SLC8A1: variants seen among roughly 807,000 people sequenced by gnomAD.
SLC8A1 encodes sodium/calcium exchanger 1.
In SLC8A1, 18 loss-of-function variants were observed where a neutral mutation model predicts 68.3. The ratio of observed to expected loss-of-function variants is 0.26; its 90% CI spans 0.18 to 0.39. SLC8A1 has a LOEUF of 0.39. Among genes scored for constraint, SLC8A1 ranks in the 10% least tolerant of loss-of-function variants. The pLI is 1.00. For synonymous variants in SLC8A1, 475 were observed against 415.5 expected, an observed-to-expected ratio of 1.14 and a Z score of -1.74; for missense variants, 985 against 1,156.7, an observed-to-expected ratio of 0.85 and a Z score of 2.15.
chr2:40,149,619 G>T (rs2043057153), intron 6 of SLC8A1, among the ~76,000 whole-genome samples: 1 of 152,170 alleles, frequency 6.6e-6, no homozygotes, highest in African/African-American at 2.4e-5. Flanking sequence ...GTGACAAGAT[G>T]GAAAGAGGAT....
chr2:40,343,438 T>G (rs1668319927), intron 2 of SLC8A1, among the ~76,000 whole-genome samples: 1 of 152,160 alleles, frequency 6.6e-6, no homozygotes, highest in South Asian at 2.1e-4. Context: ...CATCCTATTA[T>G]CACTTGGCTA....
chr2:40,486,189 G>T (rs1053670233), intron 1 of SLC8A1, among the ~76,000 whole-genome samples: 6 of 152,072 alleles, frequency 3.9e-5, no homozygotes, highest in African/African-American at 1.4e-4. Flanking sequence ...CTTCCCTTTT[G>T]CCTTCTGCCA....
chr2:40,322,821 AACACAC>A (rs5830620), intron 2 of SLC8A1, among the ~76,000 whole-genome samples: 2,084 of 147,620 alleles, frequency 0.014, 45 homozygotes, highest in African/African-American at 0.047. Context: ...TTTATTGGGT[AACACAC>A]ACACACACAC....
At chr2:40,302,174 G>T (rs1392147577) in intron 2 of SLC8A1, among the ~76,000 whole-genome samples, 2 of 151,602 alleles carry the variant, frequency 1.3e-5, no homozygotes, top group Non-Finnish European at 2.9e-5. Context: ...TGGGATTACA[G>T]GTGTGAGCCA....
At chr2:40,177,908 G>T in intron 2 of SLC8A1, 1 of 1,165,768 alleles carries the variant, frequency 8.6e-7, no homozygotes, top group Non-Finnish European at 1.3e-6. Flanking sequence ...ACACGCTCAT[G>T]CTCTTGGTGT....
chr2:40,164,332 C>T (rs1353101681), intron 5 of SLC8A1, among the ~76,000 whole-genome samples: 4 of 152,268 alleles, frequency 2.6e-5, no homozygotes, highest in South Asian at 2.1e-4. Context: ...ACTCTGCATT[C>T]GGTATATTGA....
At chr2:40,265,224 A>G (rs2065213272) in intron 2 of SLC8A1, among the ~76,000 whole-genome samples, 1 of 152,190 alleles carries the variant, frequency 6.6e-6, no homozygotes, top group Non-Finnish European at 1.5e-5. Context: ...ATTTTAGGTC[A>G]CTGCAATGTT....
At chr2:40,433,213 C>T (rs550036650) in intron 1 of SLC8A1, among the ~76,000 whole-genome samples, 1 of 152,220 alleles carries the variant, frequency 6.6e-6, no homozygotes, top group Non-Finnish European at 1.5e-5. Context: ...GAGGACAAAG[C>T]TCAAACCCCT....
rs71406056 is a variant in SLC8A1 at position 40,315,438 on chromosome 2, A to ATT, written c.1808+113033_1808+113034dup. On this transcript the variant is annotated intron_variant, in intron 2 of 7. Coordinates refer to ENST00000406785, the Ensembl canonical transcript of SLC8A1. Reference sequence around the variant, plus strand: ...TAAATAACCATTTTCTTTCCTAAGAATTTTTTTTTTTTTTTTTGGAATTTC... The same window carrying ATT: ...TAAATAACCATTTTCTTTCCTAAGAATTTTTTTTTTTTTTTTTTTGGAATTTC... Among the ~76,000 whole-genome samples the ATT allele has an allele frequency of 1.9e-3, 263 of 138,392 alleles. 2 individuals are homozygous for ATT. The highest frequency in any genetic ancestry group is 4.7e-3 in the South Asian group (20 of 4,280). 90.8% of individuals were successfully genotyped at this position (138,392 alleles called of 152,430 possible).
chr2:40,236,351 G>A (rs2060369973), intron 2 of SLC8A1, among the ~76,000 whole-genome samples: 1 of 152,140 alleles, frequency 6.6e-6, no homozygotes, highest in Admixed American at 6.5e-5. Flanking sequence ...TTACCATTAT[G>A]TAATGGCCTT....
chr2:40,380,437 C>T (rs918317029), intron 2 of SLC8A1, among the ~76,000 whole-genome samples: 1 of 152,086 alleles, frequency 6.6e-6, no homozygotes, highest in Non-Finnish European at 1.5e-5. Context: ...ATAGTCTTCA[C>T]AAGGAACTTT....
At chr2:40,305,677 G>C (rs1391366111) in intron 2 of SLC8A1, among the ~76,000 whole-genome samples, 2 of 152,110 alleles carry the variant, frequency 1.3e-5, no homozygotes, top group Non-Finnish European at 2.9e-5. Flanking sequence ...CTGTCTAATA[G>C]AAAAGACAGT....
intron 2 of SLC8A1, among the ~76,000 whole-genome samples, chr2:40,297,161 T>G (rs901109177): frequency 6.6e-6 from 1 of 152,162 alleles, no homozygotes; most frequent in Non-Finnish European, 1.5e-5. Context: ...GAGCAGACAT[T>G]ATATCCTATT....
At chr2:40,148,569 CCT>C (rs1266280808) in intron 6 of SLC8A1, among the ~76,000 whole-genome samples, 3 of 152,100 alleles carry the variant, frequency 2.0e-5, no homozygotes, top group Non-Finnish European at 2.9e-5. Flanking sequence ...TCTGCCTGTT[CCT>C]CTTTCCTTCT....
At chr2:40,417,293 AT>A (rs371900307) in intron 2 of SLC8A1, among the ~76,000 whole-genome samples, 1 of 151,948 alleles carries the variant, frequency 6.6e-6, no homozygotes, top group African/African-American at 2.4e-5. Flanking sequence ...CCAAATAGAT[AT>A]TTTTTTTCTG....
At chr2:40,500,921 C>A (rs1322395381) in intron 1 of SLC8A1, among the ~76,000 whole-genome samples, 2 of 149,314 alleles carry the variant, frequency 1.3e-5, no homozygotes, top group African/African-American at 4.9e-5. Flanking sequence ...CATAATCCTC[C>A]AGTGGCTTCT....
chr2:40,347,101 G>A (rs1252575917), intron 2 of SLC8A1, among the ~76,000 whole-genome samples: 1 of 152,156 alleles, frequency 6.6e-6, no homozygotes, highest in Non-Finnish European at 1.5e-5. Context: ...TGTCTTCTGT[G>A]CCTAGGTTCA....
At chr2:40,312,179 A>C (rs538601877) in intron 2 of SLC8A1, among the ~76,000 whole-genome samples, 3 of 152,272 alleles carry the variant, frequency 2.0e-5, no homozygotes, top group African/African-American at 7.2e-5. Context: ...TCACCTCAAT[A>C]AGCACACTTG....
chr2:40,370,988 C>T lies in SLC8A1; in HGVS notation c.1808+57485G>A, dbSNP rs1265184013. Among the ~76,000 whole-genome samples the T allele has an allele frequency of 3.9e-5, 6 of 152,012 alleles. No individual in the cohort carries two copies. In the East Asian group the frequency reaches 9.7e-4, roughly 25 times the overall value. On this transcript the variant is annotated intron_variant, in intron 2 of 7. Transcript: ENST00000406785. Reference sequence around the variant, plus strand: ...CCTAGACATTCATTTCTATAAAGACCACCTACATTTCATTTTCTGACTCGG... The same window carrying T: ...CCTAGACATTCATTTCTATAAAGACTACCTACATTTCATTTTCTGACTCGG...
Sources: allele counts gnomAD v4.1 joint callset (sites outside exome capture counted in the v4.1 genomes callset), GRCh38; gene constraint gnomAD v4.1.1; transcripts MANE v1.5; gene names NCBI Gene and HGNC (gene_info 2026-07-23, HGNC 2026-07-21).